Variants in PKIA observed in about 807,000 individuals in gnomAD.
PKIA encodes PKI-alpha.
A neutral mutation model predicts 7.6 loss-of-function variants in PKIA; 4 were observed. The observed-to-expected ratio is 0.52, with a 90% CI of 0.26 to 1.20. The LOEUF (loss-of-function observed/expected upper bound fraction) is 1.20, where lower values mean the gene tolerates loss of function less well. Among genes scored for constraint, PKIA ranks in the 50% most tolerant of loss-of-function variants. PKIA has a pLI of 0.13. For synonymous variants in PKIA, 21 were observed against 30.7 expected (o/e 0.68, Z 1.04); for missense variants, 73 against 86.2 (o/e 0.85, Z 0.61).
chr8:78,565,379 T>G (rs1807378563), intron 1 of PKIA, among the ~76,000 whole-genome samples: 1 of 152,002 alleles, frequency 6.6e-6, no homozygotes, highest in Non-Finnish European at 1.5e-5. Flanking sequence ...GATGAAGCCA[T>G]GCTGATATGA....
intron 3 of PKIA, among the ~76,000 whole-genome samples, chr8:78,599,951 G>T: frequency 6.7e-6 from 1 of 148,988 alleles, no homozygotes; most frequent in Non-Finnish European, 1.5e-5. Context: ...ATAAATTATT[G>T]AAATAATAAA....
At chr8:78,567,624 A>G (rs577817417) in intron 1 of PKIA, among the ~76,000 whole-genome samples, 1 of 152,186 alleles carries the variant, frequency 6.6e-6, no homozygotes, top group South Asian at 2.1e-4. Flanking sequence ...CTCTTTCTGT[A>G]TTATACTCTG....
chr8:78,524,362 A>G (rs1200772530), intron 1 of PKIA, among the ~76,000 whole-genome samples: 2 of 151,182 alleles, frequency 1.3e-5, no homozygotes, highest in African/African-American at 4.9e-5. Context: ...TGCCATCAAA[A>G]ATAAATTGTG....
chr8:78,568,418 T>A (rs911022754), intron 1 of PKIA, among the ~76,000 whole-genome samples: 1 of 152,164 alleles, frequency 6.6e-6, no homozygotes, highest in Non-Finnish European at 1.5e-5. Context: ...AAACTTCAAT[T>A]TATAGCCAGC....
intron 2 of PKIA, among the ~76,000 whole-genome samples, chr8:78,590,986 T>C (rs1808078789): frequency 6.6e-6 from 1 of 152,214 alleles, no homozygotes; most frequent in African/African-American, 2.4e-5. Context: ...TATAATTGCA[T>C]TTTGTAATAG....
Position 78,583,900 on chromosome 8 carries a change from C to T in PKIA, c.-28+10961C>T, listed in dbSNP as rs1055840464. ...CAAAAAAGAAATTTGCAACCTCTGG[C>T]ATCAATGGGCTAATTGAAGTCCCAG... On this transcript the variant is annotated intron_variant, in intron 2 of 3. Coordinates refer to ENST00000396418, the MANE Select transcript of PKIA (RefSeq NM_006823.4). Among the ~76,000 whole-genome samples the T allele has an allele frequency of 4.6e-5, 7 of 152,078 alleles. No individual in the cohort carries two copies. In the South Asian group the frequency reaches 1.2e-3, roughly 27 times the overall value.
chr8:78,601,441 C>T (rs1209530653), intron 3 of PKIA, among the ~76,000 whole-genome samples: 4 of 152,014 alleles, frequency 2.6e-5, no homozygotes, highest in South Asian at 2.1e-4. Flanking sequence ...AGTGACATGA[C>T]CTGGCCTTGA....
chr8:78,565,850 A>C (rs1807399586), intron 1 of PKIA, among the ~76,000 whole-genome samples: 1 of 151,962 alleles, frequency 6.6e-6, no homozygotes, highest in Non-Finnish European at 1.5e-5. Context: ...AGGAAATACA[A>C]TTTCCACTAC....
At chr8:78,567,137 A>T (rs150650589) in intron 1 of PKIA, among the ~76,000 whole-genome samples, 312 of 152,204 alleles carry the variant, frequency 2.0e-3, no homozygotes, top group African/African-American at 7.1e-3. Flanking sequence ...TATTATAGAG[A>T]TTTCTCATAC....
chr8:78,549,147 A>G (rs1806913198), intron 1 of PKIA, among the ~76,000 whole-genome samples: 1 of 152,082 alleles, frequency 6.6e-6, no homozygotes, highest in South Asian at 2.1e-4. Context: ...TGTGATTTAG[A>G]TGACTGGCAT....
intron 1 of PKIA, among the ~76,000 whole-genome samples, chr8:78,529,276 T>C (rs1301958709): frequency 6.6e-6 from 1 of 152,104 alleles, no homozygotes; most frequent in South Asian, 2.1e-4. Flanking sequence ...CAGTGTTATC[T>C]CAATAGTGTG....
chr8:78,570,971 A>T (rs182844048), intron 1 of PKIA, among the ~76,000 whole-genome samples: 39 of 152,182 alleles, frequency 2.6e-4, no homozygotes, highest in Middle Eastern at 3.4e-3. Flanking sequence ...CTTCCATTAC[A>T]CTATGTAATA....
intron 1 of PKIA, among the ~76,000 whole-genome samples, chr8:78,554,051 TG>T (rs1210075148): frequency 1.3e-5 from 2 of 151,870 alleles, no homozygotes; most frequent in Non-Finnish European, 2.9e-5. Context: ...CAAACAAACT[TG>T]ACACCCAGCA....
chr8:78,544,861 A>G (rs549323062), intron 1 of PKIA, among the ~76,000 whole-genome samples: 3 of 152,286 alleles, frequency 2.0e-5, no homozygotes, highest in African/African-American at 4.8e-5. Flanking sequence ...AAAAAGATAT[A>G]TTTATTAAAA....
chr8:78,595,088 T>A (rs936447324), intron 2 of PKIA, among the ~76,000 whole-genome samples: 1 of 152,200 alleles, frequency 6.6e-6, no homozygotes, highest in African/African-American at 2.4e-5. Flanking sequence ...ATTTTGTGAC[T>A]TTTTCTGGTA....
intron 1 of PKIA, among the ~76,000 whole-genome samples, chr8:78,547,894 C>T (rs1806873172): frequency 6.6e-6 from 1 of 152,094 alleles, no homozygotes; most frequent in African/African-American, 2.4e-5. Flanking sequence ...TCTTAATCTA[C>T]ATGACCTACT....
intron 2 of PKIA, among the ~76,000 whole-genome samples, chr8:78,590,520 A>T (rs1808069483): frequency 6.6e-6 from 1 of 152,146 alleles, no homozygotes; most frequent in African/African-American, 2.4e-5. Flanking sequence ...CTTCAACTAA[A>T]ACAACATGTT....
intron 3 of PKIA, 117 bp from the exon 4 acceptor site, chr8:78,601,625 C>A (rs907340931): frequency 1.3e-6 from 1 of 753,732 alleles, no homozygotes; most frequent in Non-Finnish European, 2.3e-6. Flanking sequence ...CTTGTTCCTT[C>A]AAGGTTTCAG....
intron 1 of PKIA, among the ~76,000 whole-genome samples, chr8:78,530,437 C>A (rs1409792853): frequency 6.6e-6 from 1 of 151,992 alleles, no homozygotes; most frequent in African/African-American, 2.4e-5. Flanking sequence ...CTCACTGGAT[C>A]CTGAACTAGG....
Sources: gnomAD v4.1 joint callset for allele counts (sites outside exome capture counted in the v4.1 genomes callset) on GRCh38, gnomAD v4.1.1 for gene constraint, MANE v1.5 for transcripts, NCBI Gene and HGNC (gene_info 2026-07-23, HGNC 2026-07-21) for gene names.